The following PTPRD variants were observed in gnomAD, a reference collection of about 807,000 sequenced individuals.
The protein encoded by PTPRD is receptor-type tyrosine-protein phosphatase delta.
Under a neutral mutation model 214.5 loss-of-function variants are expected in PTPRD, and 34 were observed. The ratio of observed to expected loss-of-function variants is 0.16; its 90% CI spans 0.12 to 0.21. PTPRD has a LOEUF of 0.21. Among genes scored for constraint, PTPRD ranks in the 10% least tolerant of loss-of-function variants. PTPRD has a pLI of 1.00. For missense variants in PTPRD, 2,545 were observed against 2,398.7 expected, an observed-to-expected ratio of 1.06 and a Z score of -1.27; for synonymous variants, 1,128 against 845.7, an observed-to-expected ratio of 1.33 and a Z score of -5.79.
chr9:9,278,151 A>C (rs1048577151), intron 9 of PTPRD, among the ~76,000 whole-genome samples: 2 of 151,416 alleles, frequency 1.3e-5, no homozygotes, highest in African/African-American at 4.8e-5. Flanking sequence ...AACAAGTAGT[A>C]ACCAATATAC....
At chr9:9,464,073 A>G (rs2093919249) in intron 8 of PTPRD, among the ~76,000 whole-genome samples, 1 of 152,158 alleles carries the variant, frequency 6.6e-6, no homozygotes, top group African/African-American at 2.4e-5. Context: ...CCTTAATTTT[A>G]GTTCGTTGAA....
chr9:8,353,320 T>C (rs1261912132), intron 39 of PTPRD, among the ~76,000 whole-genome samples: 1 of 152,224 alleles, frequency 6.6e-6, no homozygotes, highest in South Asian at 2.1e-4. Flanking sequence ...CAGGCCTTTG[T>C]GTTGGTTTTG....
chr9:9,826,635 C>G (rs1420969912), intron 5 of PTPRD, among the ~76,000 whole-genome samples: 1 of 151,834 alleles, frequency 6.6e-6, no homozygotes, highest in Non-Finnish European at 1.5e-5. Flanking sequence ...ACTTAGTGTC[C>G]TTAGTAGTGA....
At chr9:9,866,020 C>A (rs2063860001) in intron 5 of PTPRD, among the ~76,000 whole-genome samples, 1 of 152,168 alleles carries the variant, frequency 6.6e-6, no homozygotes, top group Non-Finnish European at 1.5e-5. Flanking sequence ...CCTTCTCATG[C>A]CATTCTCGTA....
At position 9,297,856 on chromosome 9, in the gene PTPRD, T is replaced by C. The variant is rs1250498039; in HGVS notation, c.-203+99593A>G. ...GTGGGGACTTACACAGAGATAACTA[T>C]GTGTCATCTACTGTTTTAATACTTT... On this transcript the variant is annotated intron_variant, in intron 9 of 45. Coordinates refer to ENST00000381196, the MANE Select transcript of PTPRD (RefSeq NM_002839.4). 1.3e-5 allele frequency among the ~76,000 whole-genome samples: 2 copies of C among 151,672 alleles called. 1 individual carries two copies. Among genetic ancestry groups the C allele is most frequent in the Non-Finnish European group, 3.0e-5 (2 of 67,776 alleles).
At chr9:8,995,726 G>C (rs1283625864) in intron 11 of PTPRD, among the ~76,000 whole-genome samples, 1 of 151,460 alleles carries the variant, frequency 6.6e-6, no homozygotes, top group East Asian at 1.9e-4. Context: ...ATTCACAGAA[G>C]TTTCAGGTTT....
intron 14 of PTPRD, among the ~76,000 whole-genome samples, chr9:8,554,002 C>G (rs2082920684): frequency 6.6e-6 from 1 of 152,078 alleles, no homozygotes; most frequent in Non-Finnish European, 1.5e-5. Flanking sequence ...GCCTGGCCAA[C>G]ATGGTGAAAC....
At chr9:9,288,874 C>A (rs1025931225) in intron 9 of PTPRD, among the ~76,000 whole-genome samples, 1 of 151,726 alleles carries the variant, frequency 6.6e-6, no homozygotes, top group South Asian at 2.1e-4. Flanking sequence ...TTATAAGGGA[C>A]TTTTCCTCCT....
chr9:8,618,948 C>T (rs1316018955), intron 14 of PTPRD, among the ~76,000 whole-genome samples: 13 of 98,604 alleles, frequency 1.3e-4, no homozygotes, highest in Admixed American at 5.3e-4. Flanking sequence ...TTACCGGAAA[C>T]AGGGTTTCAC....
chr9:9,635,776 T>A (rs967350898), intron 7 of PTPRD, among the ~76,000 whole-genome samples: 10 of 152,188 alleles, frequency 6.6e-5, no homozygotes, highest in Admixed American at 1.3e-4. Flanking sequence ...AAAACACTCA[T>A]GCAAACCATC....
intron 9 of PTPRD, among the ~76,000 whole-genome samples, chr9:9,207,076 C>G (rs907683342): frequency 2.0e-5 from 3 of 151,962 alleles, no homozygotes; most frequent in African/African-American, 7.3e-5. Flanking sequence ...GAAAGTAGAG[C>G]CAGTAAAAAT....
intron 5 of PTPRD, among the ~76,000 whole-genome samples, chr9:9,798,139 T>C (rs1267816890): frequency 6.6e-6 from 1 of 152,130 alleles, no homozygotes; most frequent in Admixed American, 6.5e-5. Context: ...TGTCTGATAA[T>C]CATAAATTTT....
At chr9:9,160,472 A>G (rs2154493686) in intron 10 of PTPRD, among the ~76,000 whole-genome samples, 1 of 152,268 alleles carries the variant, frequency 6.6e-6, no homozygotes, top group South Asian at 2.1e-4. Flanking sequence ...GAAAATTAAA[A>G]CCAAATGAGA....
chr9:8,978,152 C>T (rs909938726), intron 11 of PTPRD, among the ~76,000 whole-genome samples: 2 of 151,972 alleles, frequency 1.3e-5, no homozygotes, highest in African/African-American at 4.8e-5. Context: ...AAGTAATTAA[C>T]GTAAATTTTG....
Position 9,393,932 on chromosome 9 carries a change from C to T in PTPRD, c.-203+3517G>A, listed in dbSNP as rs912430991. ...TTAGCACCCATGCCAACACGAACTC[C>T]GCAACATTGCCACCAATACTTTCCT... On this transcript the variant is annotated intron_variant, in intron 9 of 45. Transcript: ENST00000381196. 2.0e-4 allele frequency among the ~76,000 whole-genome samples: 30 copies of T among 152,120 alleles called. 1 individual carries two copies. Among genetic ancestry groups the T allele is most frequent in the Admixed American group, 3.9e-4 (6 of 15,256 alleles).
chr9:9,868,080 C>T (rs2064438245), intron 5 of PTPRD, among the ~76,000 whole-genome samples: 1 of 152,162 alleles, frequency 6.6e-6, no homozygotes, highest in Non-Finnish European at 1.5e-5. Context: ...GGTGTGCCTA[C>T]AGCCCACAGG....
chr9:8,576,668 G>A (rs148759452), intron 14 of PTPRD, among the ~76,000 whole-genome samples: 153 of 147,162 alleles, frequency 1.0e-3, no homozygotes, highest in African/African-American at 3.7e-3. Flanking sequence ...TTGCATATCC[G>A]TGTCTCTTTC....
chr9:9,679,575 C>T (rs961343188), intron 7 of PTPRD, among the ~76,000 whole-genome samples: 1 of 151,846 alleles, frequency 6.6e-6, no homozygotes, highest in East Asian at 1.9e-4. Flanking sequence ...CTTTAAACAG[C>T]ATCACAGAAT....
At chr9:8,333,979 G>C (rs1382995551) in intron 43 of PTPRD, among the ~76,000 whole-genome samples, 5 of 152,228 alleles carry the variant, frequency 3.3e-5, no homozygotes, top group Non-Finnish European at 5.9e-5. Flanking sequence ...ACGAAGAAGA[G>C]TTAACTATCC....
Sources: gnomAD v4.1 joint callset for allele counts (sites outside exome capture counted in the v4.1 genomes callset) on GRCh38, gnomAD v4.1.1 for gene constraint, MANE v1.5 for transcripts, NCBI Gene and HGNC (gene_info 2026-07-23, HGNC 2026-07-21) for gene names.